The following KIAA0825 variants were observed in gnomAD, a reference collection of about 807,000 sequenced individuals.
The protein encoded by KIAA0825 is uncharacterized protein KIAA0825.
KIAA0825 carries 119 observed loss-of-function variants against 147.6 expected under a neutral mutation model. The ratio of observed to expected loss-of-function variants is 0.81; its 90% CI spans 0.69 to 0.94. The LOEUF (loss-of-function observed/expected upper bound fraction) is 0.94, where lower values mean the gene tolerates loss of function less well. KIAA0825 is among the 40% of genes least tolerant of loss of function. The pLI, the probability that KIAA0825 is intolerant of heterozygous loss-of-function variation, is 0.00. For synonymous variants in KIAA0825, 470 were observed against 518.1 expected, an observed-to-expected ratio of 0.91 and a Z score of 1.26; for missense variants, 1,381 against 1,472.7, an observed-to-expected ratio of 0.94 and a Z score of 1.02.
rs1561269409 is a variant in KIAA0825 at position 94,529,405 on chromosome 5, C to CATATATGTATATATCATATGTATATA, written c.132-5308_132-5307insTATATACATATGATATATACATATAT. ...ATATATGTATATATCATATGTATAT[C>CATATATGTATATATCATATGTATATA]TCATATATGTATATATCATATGTAT... On this transcript the variant is annotated intron_variant, in intron 3 of 20. Transcript: ENST00000682413. Among the ~76,000 whole-genome samples, 11 of 97,446 alleles carry CATATATGTATATATCATATGTATATA rather than the reference C, an allele frequency of 1.1e-4. No individual in the cohort carries two copies. In the East Asian group the frequency reaches 1.8e-3, roughly 16 times the overall value. The allele number at this position is 97,446 out of a possible 152,430, so 63.9% of individuals were successfully genotyped here. A position where few individuals can be genotyped will look rare whatever the true frequency, so the allele number is the denominator to read the frequency against.
Position 94,208,508 on chromosome 5 carries a change from A to G in KIAA0825, c.3711-54384T>C, listed in dbSNP as rs563160911. Among the ~76,000 whole-genome samples, 75 of 152,334 alleles carry G rather than the reference A, an allele frequency of 4.9e-4. No homozygotes were observed. The Middle Eastern group carries it at 0.01, about 21-fold the overall frequency. ...TCACAGAGTGAACCATCTTTGGGAG[A>G]TAAAGCACATATACAGGTAACTGCA... On this transcript the variant is annotated intron_variant, in intron 20 of 20. Coordinates refer to ENST00000682413, the MANE Select transcript of KIAA0825 (RefSeq NM_001145678.3).
intron 2 of KIAA0825, among the ~76,000 whole-genome samples, chr5:94,543,305 G>T (rs1467173085): frequency 1.3e-5 from 2 of 151,992 alleles, no homozygotes; most frequent in Non-Finnish European, 2.9e-5. Context: ...TTAGCTGAGT[G>T]TGGGGCACAT....
chr5:94,368,239 C>T lies in KIAA0825; in HGVS notation c.3710+16129G>A, dbSNP rs138311083. 1.5e-3 allele frequency among the ~76,000 whole-genome samples: 235 copies of T among 152,336 alleles called. 7 individuals carry two copies. The East Asian group carries it at 0.041, about 27-fold the overall frequency. On this transcript the variant is annotated intron_variant, in intron 20 of 20. Transcript: ENST00000682413. The stretch of plus-strand genomic sequence containing the variant: ...CTAGACTAGAGTGAAGTGATGCAAT[C>T]ACAGCTCACTACAGTCCCGACTTTC...
intron 20 of KIAA0825, among the ~76,000 whole-genome samples, chr5:94,169,565 G>GAAAAAA (rs57781961): frequency 1.2e-5 from 1 of 86,658 alleles, no homozygotes; most frequent in South Asian, 4.2e-4. Context: ...CTGGGTGACA[G>GAAAAAA]AAAAAAAAAA....
At chr5:94,536,430 AC>A (rs1772028587) in intron 3 of KIAA0825, among the ~76,000 whole-genome samples, 3 of 152,248 alleles carry the variant, frequency 2.0e-5, no homozygotes, top group Non-Finnish European at 4.4e-5. Context: ...TATAGGGTCC[AC>A]AACTACATAT....
chr5:94,184,527 T>C (rs929211105), intron 20 of KIAA0825, among the ~76,000 whole-genome samples: 2 of 152,178 alleles, frequency 1.3e-5, no homozygotes, highest in Non-Finnish European at 2.9e-5. Context: ...TTAGAATGTT[T>C]TATCTGCTTT....
At chr5:94,586,629 A>G (rs1337768303) in intron 1 of KIAA0825, among the ~76,000 whole-genome samples, 1 of 152,212 alleles carries the variant, frequency 6.6e-6, no homozygotes, top group Non-Finnish European at 1.5e-5. Context: ...ATTAGCTTGT[A>G]TCATTCCTTC....
intron 1 of KIAA0825, among the ~76,000 whole-genome samples, chr5:94,596,397 G>A (rs1785319464): frequency 6.6e-6 from 1 of 152,120 alleles, no homozygotes; most frequent in Non-Finnish European, 1.5e-5. Context: ...TTGTAGGTGT[G>A]TGGCCTTATT....
At chr5:94,586,945 A>G (rs891773495) in intron 1 of KIAA0825, among the ~76,000 whole-genome samples, 2 of 152,194 alleles carry the variant, frequency 1.3e-5, no homozygotes, top group African/African-American at 2.4e-5. Context: ...CAAAAACCAC[A>G]TGATTATCTC....
intron 2 of KIAA0825, among the ~76,000 whole-genome samples, chr5:94,560,260 A>C (rs987465455): frequency 6.6e-6 from 1 of 152,198 alleles, no homozygotes; most frequent in African/African-American, 2.4e-5. Flanking sequence ...ACACAAAAAT[A>C]AATTCATGTG....
intron 20 of KIAA0825, among the ~76,000 whole-genome samples, chr5:94,155,902 C>T (rs958915772): frequency 9.2e-5 from 14 of 152,118 alleles, no homozygotes; most frequent in Non-Finnish European, 1.8e-4. Context: ...TACAATTTAG[C>T]CCACAAGATT....
Position 94,193,439 on chromosome 5 carries a change from C to T in KIAA0825, c.3711-39315G>A, listed in dbSNP as rs547933500. 1.4e-4 allele frequency among the ~76,000 whole-genome samples: 21 copies of T among 152,268 alleles called. No homozygotes were observed. In the South Asian group the frequency reaches 4.4e-3, roughly 32 times the overall value. ...ACTTTTATAGCTGATGAAACTGAGGCCAGAGGGGTGAAGTAATTCAGCCAA... is the reference window on the plus strand; with the variant it reads ...ACTTTTATAGCTGATGAAACTGAGGTCAGAGGGGTGAAGTAATTCAGCCAA... On this transcript the variant is annotated intron_variant, in intron 20 of 20. Transcript: ENST00000682413.
intron 14 of KIAA0825, among the ~76,000 whole-genome samples, chr5:94,432,412 C>A (rs1297088998): frequency 2.0e-5 from 3 of 152,162 alleles, no homozygotes; most frequent in Non-Finnish European, 4.4e-5. Context: ...AGAAGCACCA[C>A]CCCCACCTCA....
At chr5:94,567,989 T>A (rs1445855525) in intron 2 of KIAA0825, 1 of 160,158 alleles carries the variant, frequency 6.2e-6, no homozygotes, top group Admixed American at 6.4e-5. Flanking sequence ...CACCACCCTG[T>A]TCGCAGCAGT....
intron 20 of KIAA0825, among the ~76,000 whole-genome samples, chr5:94,273,734 A>G (rs1340531046): frequency 6.6e-6 from 1 of 152,142 alleles, no homozygotes; most frequent in African/African-American, 2.4e-5. Context: ...GGGGATAAGA[A>G]TAGTTATCTC....
intron 20 of KIAA0825, among the ~76,000 whole-genome samples, chr5:94,318,765 T>C (rs1296628093): frequency 6.6e-6 from 1 of 151,884 alleles, no homozygotes; most frequent in Non-Finnish European, 1.5e-5. Context: ...TAACGTTACA[T>C]AGAAGAACTA....
intron 4 of KIAA0825, among the ~76,000 whole-genome samples, chr5:94,522,990 A>C (rs1207733323): frequency 6.6e-6 from 1 of 151,754 alleles, no homozygotes; most frequent in Non-Finnish European, 1.5e-5. Context: ...ATCCACCTTC[A>C]GGAGATAATG....
At chr5:94,598,654 A>C (rs961254018) in intron 1 of KIAA0825, among the ~76,000 whole-genome samples, 1 of 152,140 alleles carries the variant, frequency 6.6e-6, no homozygotes, top group Non-Finnish European at 1.5e-5. Context: ...ACATAATTAT[A>C]TTTTTATAAA....
intron 15 of KIAA0825, among the ~76,000 whole-genome samples, chr5:94,411,817 C>T (rs1314734751): frequency 4.6e-5 from 7 of 151,960 alleles, no homozygotes; most frequent in Non-Finnish European, 7.4e-5. Flanking sequence ...CGTGGTGGCT[C>T]GTGCCTGTAG....
Sources: gnomAD v4.1 joint callset for allele counts (sites outside exome capture counted in the v4.1 genomes callset) on GRCh38, gnomAD v4.1.1 for gene constraint, MANE v1.5 for transcripts, NCBI Gene and HGNC (gene_info 2026-07-23, HGNC 2026-07-21) for gene names.